Variants in CWC27 observed in about 807,000 individuals in gnomAD.
CWC27 encodes the protein spliceosome-associated protein CWC27 homolog.
A neutral mutation model predicts 63.6 loss-of-function variants in CWC27; 47 were observed. The observed-to-expected ratio is 0.74, with a 90% confidence interval of 0.58 to 0.94. The LOEUF is 0.94. Ranked by LOEUF, CWC27 falls within the 40% of genes least tolerant of loss-of-function variation. The pLI, the probability that CWC27 is intolerant of heterozygous loss-of-function variation, is 0.00. For missense variants in CWC27, 495 were observed against 554.3 expected, an observed-to-expected ratio of 0.89 and a Z score of 1.07; for synonymous variants, 175 against 179.8, an observed-to-expected ratio of 0.97 and a Z score of 0.22.
At chr5:64,892,342 G>A (rs888418223) in intron 11 of CWC27, among the ~76,000 whole-genome samples, 2 of 151,686 alleles carry the variant, frequency 1.3e-5, no homozygotes, top group Non-Finnish European at 2.9e-5. Flanking sequence ...TATTAGTTGG[G>A]GGTCATTACT....
chr5:65,012,336 A>G (rs891972803), intron 13 of CWC27, among the ~76,000 whole-genome samples: 2 of 152,200 alleles, frequency 1.3e-5, no homozygotes, highest in African/African-American at 4.8e-5. Flanking sequence ...AACAGGGGTG[A>G]TAATAATATT....
intron 5 of CWC27, 63 bp from the exon 6 acceptor site, chr5:64,786,461 G>A (rs984027489): frequency 6.3e-6 from 6 of 952,094 alleles, no homozygotes; most frequent in Admixed American, 6.1e-5. Context: ...ATTACATACG[G>A]GGTTTGATTT....
chr5:64,840,362 TAAAAAAAAA>T lies in CWC27; in HGVS notation c.938+36001_938+36009del, dbSNP rs10534375. On this transcript the variant is annotated intron_variant, in intron 10 of 13. Coordinates refer to ENST00000381070, the MANE Select transcript of CWC27 (RefSeq NM_005869.4). ...TTTGTGTGTTTTTATCCTTTTTCAT[TAAAAAAAAA>T]AAAAAAAAAAAAAAAAAAAAAAAAT... is the stretch of plus-strand genomic sequence containing the variant. 6.8e-3 allele frequency among the ~76,000 whole-genome samples: 149 copies of T among 22,032 alleles called. 2 individuals carry two copies. The highest frequency in any genetic ancestry group is 8.6e-3 in the Non-Finnish European group (103 of 11,910). The allele number at this position is 22,032 out of a possible 152,430, so 14.5% of individuals were successfully genotyped here.
intron 13 of CWC27, among the ~76,000 whole-genome samples, chr5:65,013,820 C>A (rs1750004194): frequency 6.6e-6 from 1 of 151,898 alleles, no homozygotes; most frequent in Non-Finnish European, 1.5e-5. Context: ...GTAGACTTCC[C>A]AATGAAAAAG....
chr5:65,007,948 T>C (rs971983899), intron 13 of CWC27, among the ~76,000 whole-genome samples: 2 of 152,174 alleles, frequency 1.3e-5, no homozygotes, highest in African/African-American at 2.4e-5. Flanking sequence ...CTTATAAAGA[T>C]ACAAGTCCTA....
rs148672133 is a variant in CWC27, at chr5:64,908,437, C to T, written c.1042+22891C>T. On this transcript the variant is annotated intron_variant, in intron 11 of 13. Coordinates refer to ENST00000381070, the MANE Select transcript of CWC27 (RefSeq NM_005869.4). ...AGAGCTGAGTTCAAGTCCTGGATAG[C>T]ATTGTTAACCTTCTGTCTCGTTGAT... Among the ~76,000 whole-genome samples, 16 of 152,228 alleles carry T rather than the reference C, an allele frequency of 1.1e-4. No homozygotes were observed. In the East Asian group the frequency reaches 3.1e-3, roughly 29 times the overall value.
chr5:64,841,304 G>C (rs909666128), intron 10 of CWC27, among the ~76,000 whole-genome samples: 1 of 152,160 alleles, frequency 6.6e-6, no homozygotes, highest in African/African-American at 2.4e-5. Context: ...CACCCATAAT[G>C]ATGAACCTAT....
intron 11 of CWC27, among the ~76,000 whole-genome samples, chr5:64,897,809 C>G (rs748302565): frequency 6.6e-6 from 1 of 152,082 alleles, no homozygotes; most frequent in Non-Finnish European, 1.5e-5. Flanking sequence ...CCTAGAATCT[C>G]CACATAACAC....
chr5:64,993,816 C>T (rs987923664), intron 13 of CWC27, among the ~76,000 whole-genome samples: 2 of 152,160 alleles, frequency 1.3e-5, no homozygotes, highest in Admixed American at 1.3e-4. Flanking sequence ...ATAGTTGTTA[C>T]ATATGGCAAC....
chr5:64,783,915 G>A lies in CWC27; in HGVS notation c.332G>A (p.Ser111Asn), dbSNP rs781440797. ...MANAGSHDNG[S>N]QFFFTLGRAD... ...AATGCTGGTTCTCATGATAATGGCA[G>A]CCAGTTTTTCTTCACACTGGGTCGA... is the stretch of plus-strand genomic sequence containing the variant. The change falls in exon 4 of 14, where the codon AGC becomes AAC. Residue 111 changes from serine to asparagine, a missense_variant. Coordinates refer to ENST00000381070, the MANE Select transcript of CWC27 (RefSeq NM_005869.4). The A allele has an allele frequency of 1.2e-6, 2 of 1,608,182 alleles. No homozygotes were observed. Among genetic ancestry groups the A allele is most frequent in the Non-Finnish European group, 1.7e-6 (2 of 1,177,358 alleles).
intron 1 of CWC27, among the ~76,000 whole-genome samples, chr5:64,771,085 T>C (rs185741498): frequency 4.2e-4 from 64 of 152,324 alleles, no homozygotes; most frequent in African/African-American, 1.5e-3. Context: ...ATAAATACTA[T>C]CTTCTGAACA....
chr5:64,976,096 A>C (rs1248234293), intron 12 of CWC27, among the ~76,000 whole-genome samples: 4 of 152,136 alleles, frequency 2.6e-5, no homozygotes, highest in African/African-American at 9.7e-5. Context: ...AATAAAAATA[A>C]AATTTTTAAA....
At chr5:65,007,626 CTTTTT>C (rs57750177) in intron 13 of CWC27, among the ~76,000 whole-genome samples, 12 of 108,140 alleles carry the variant, frequency 1.1e-4, no homozygotes, top group Admixed American at 1.9e-4. Context: ...TCATCATTTT[CTTTTT>C]TTTTTTTTTT....
intron 13 of CWC27, among the ~76,000 whole-genome samples, chr5:64,998,184 T>G (rs1355712646): frequency 1.3e-5 from 2 of 152,130 alleles, no homozygotes; most frequent in African/African-American, 4.8e-5. Flanking sequence ...TGGGGAAGTT[T>G]GCTTTGTTTG....
chr5:64,900,211 C>A (rs184652871), intron 11 of CWC27, among the ~76,000 whole-genome samples: 222 of 152,308 alleles, frequency 1.5e-3, no homozygotes, highest in African/African-American at 5.3e-3. Flanking sequence ...CCTGTTAACT[C>A]CATATCCTTG....
intron 10 of CWC27, among the ~76,000 whole-genome samples, chr5:64,859,526 A>G (rs1312118382): frequency 6.6e-6 from 1 of 152,220 alleles, no homozygotes; most frequent in African/African-American, 2.4e-5. Context: ...TCTAAATTCA[A>G]TCTGTAAGGC....
chr5:64,981,474 T>C (rs189766242), intron 13 of CWC27, among the ~76,000 whole-genome samples: 190 of 152,346 alleles, frequency 1.2e-3, no homozygotes, highest in African/African-American at 4.4e-3. Context: ...CACAAATTTA[T>C]TTGACCATGT....
chr5:65,011,248 GC>G (rs1436590399), intron 13 of CWC27, among the ~76,000 whole-genome samples: 6 of 152,070 alleles, frequency 3.9e-5, no homozygotes, highest in African/African-American at 1.4e-4. Flanking sequence ...AAGCAGAGCC[GC>G]CACCTTCAAG....
chr5:64,834,710 CAT>C (rs1491520796), intron 10 of CWC27, among the ~76,000 whole-genome samples: 2 of 151,740 alleles, frequency 1.3e-5, no homozygotes, highest in African/African-American at 4.8e-5. Context: ...TCCAAGGACA[CAT>C]GTGTATTCTA....
Sources: gnomAD v4.1 joint callset for allele counts (sites outside exome capture counted in the v4.1 genomes callset) on GRCh38, gnomAD v4.1.1 for gene constraint, MANE v1.5 for transcripts, NCBI Gene and HGNC (gene_info 2026-07-23, HGNC 2026-07-21) for gene names.